AP1G1: variants seen among roughly 807,000 people sequenced by gnomAD.
The protein encoded by AP1G1 is adaptor related protein complex 1 subunit gamma 1.
AP1G1 carries 7 observed loss-of-function variants against 108.3 expected under a neutral mutation model. The ratio of observed to expected loss-of-function variants is 0.06; its 90% CI spans 0.04 to 0.12. AP1G1 has a LOEUF of 0.12. Ranked by LOEUF, AP1G1 falls within the 10% of genes least tolerant of loss-of-function variation. AP1G1 has a pLI of 1.00. For missense variants in AP1G1, 756 were observed against 1,010.7 expected, an observed-to-expected ratio of 0.75 and a Z score of 3.42; for synonymous variants, 379 against 353.5, an observed-to-expected ratio of 1.07 and a Z score of -0.81.
At chr16:71,750,441 G>A in intron 13 of AP1G1, 109 bp from the exon 14 acceptor site, 1 of 1,350,924 alleles carries the variant, frequency 7.4e-7, no homozygotes. Context: ...TTGAGACAGA[G>A]TCTCGCTCTG....
At chr16:71,788,756 G>A (rs2032297490) in intron 2 of AP1G1, among the ~76,000 whole-genome samples, 1 of 151,796 alleles carries the variant, frequency 6.6e-6, no homozygotes, top group Admixed American at 6.6e-5. Flanking sequence ...AAACTCCTGG[G>A]GCACAAGCAA....
In AP1G1 at chr16:71,733,024, G is replaced by C; in HGVS notation, c.*34C>G. ...CCTCCTTCCCAGAGTTCCTTTGATT[G>C]AGTGGGATAAAGAATGAGAATGGTG... On this transcript the variant is annotated 3_prime_UTR_variant, in exon 23 of 23. Transcript: ENST00000299980. 4 of 1,552,226 alleles carry C rather than the reference G, an allele frequency of 2.6e-6. No homozygotes were observed. The highest frequency in any genetic ancestry group is 3.5e-6 in the Non-Finnish European group (4 of 1,126,830).
rs573600980 is a variant in AP1G1, at chr16:71,745,593, C to G, written c.1752G>C (p.Met584Ile). 6.2e-7 allele frequency: 1 copy of G among 1,614,134 alleles called. No homozygotes were observed. Among genetic ancestry groups the G allele is most frequent in the Non-Finnish European group, 8.5e-7 (1 of 1,180,014 alleles). Residue 584 changes from methionine to isoleucine, a missense_variant, in exon 18 of 23, where the codon ATG (methionine) becomes ATC (isoleucine). Physicochemically the swap from Met to Ile is conservative, Grantham distance 10 (BLOSUM62 1). This residue lies in a region of AP1G1 where 357 missense variants were observed against 366.5 expected (regional missense o/e 0.97). Transcript: ENST00000299980. The stretch of plus-strand genomic sequence containing the variant: ...TTGTGGTCACTTTTTCCATGACAGG[C>G]ATTCTCTCAAGTAGGGCAGACCTAG... Reference protein sequence around the residue: ...DHMRSALLERMPVMEKVTTNG... With the variant: ...DHMRSALLERIPVMEKVTTNG...
Position 71,801,783 on chromosome 16 carries a change from G to A in AP1G1, c.-4+6980C>T, listed in dbSNP as rs545173012. On this transcript the variant is annotated intron_variant, in intron 1 of 22. Transcript: ENST00000299980. Reference sequence around the variant, plus strand: ...TGAAAATACAAAAAATTAGCCAGGCGTGGTGGCGGGCGCCTGCAGTCCCAG... The same window carrying A: ...TGAAAATACAAAAAATTAGCCAGGCATGGTGGCGGGCGCCTGCAGTCCCAG... Among the ~76,000 whole-genome samples the A allele has an allele frequency of 1.2e-4, 19 of 152,108 alleles. No homozygotes were observed. In the South Asian group the frequency reaches 1.9e-3, roughly 15 times the overall value.
At chr16:71,769,283 CA>C (rs375309588) in intron 6 of AP1G1, among the ~76,000 whole-genome samples, 25 of 142,064 alleles carry the variant, frequency 1.8e-4, no homozygotes, top group Admixed American at 2.1e-4. Context: ...AACTACATCT[CA>C]AAAAAAAAAA....
chr16:71,750,545 GC>G, intron 13 of AP1G1: 1 of 456,974 alleles, frequency 2.2e-6, no homozygotes, highest in South Asian at 2.3e-5. Flanking sequence ...CTCCCAAGTA[GC>G]TGGGACTACA....
intron 2 of AP1G1, among the ~76,000 whole-genome samples, chr16:71,780,142 C>T (rs1159711591): frequency 6.6e-6 from 1 of 151,554 alleles, no homozygotes; most frequent in African/African-American, 2.4e-5. Context: ...TACAGGCACG[C>T]ACCACTATAT....
intron 19 of AP1G1, among the ~76,000 whole-genome samples, chr16:71,744,434 T>TTAACA (rs1206577216): frequency 5.3e-5 from 8 of 152,110 alleles, no homozygotes; most frequent in African/African-American, 1.9e-4. Context: ...AAGTAGCAGG[T>TTAACA]TAACATCTCT....
chr16:71,764,479 G>T, intron 8 of AP1G1, 31 bp from the exon 9 acceptor site: 1 of 1,456,902 alleles, frequency 6.9e-7, no homozygotes, highest in Non-Finnish European at 9.5e-7. Context: ...CAGTACATAA[G>T]TGATAAAAAC....
chr16:71,798,173 C>T lies in AP1G1; in HGVS notation c.-3-8691G>A, dbSNP rs151095966. 6.8e-3 allele frequency among the ~76,000 whole-genome samples: 1,029 copies of T among 152,258 alleles called. 16 individuals carry two copies. The highest frequency in any genetic ancestry group is 0.022 in the African/African-American group (916 of 41,552). ...CATCAAAAACTGTTAAGGCTGGGTG[C>T]GGTGGCTCACGCCAGTAATCCCAAC... On this transcript the variant is annotated intron_variant, in intron 1 of 22. Coordinates refer to ENST00000299980, the MANE Select transcript of AP1G1 (RefSeq NM_001128.6).
At chr16:71,802,684 C>T (rs1338974594) in intron 1 of AP1G1, among the ~76,000 whole-genome samples, 5 of 151,318 alleles carry the variant, frequency 3.3e-5, no homozygotes, top group African/African-American at 7.3e-5. Flanking sequence ...GAGCCGAGAT[C>T]GCACCACTGC....
rs911739626 is a variant in AP1G1 at position 71,738,797 on chromosome 16, A to G, written c.2268+145T>C. 34 of 722,464 alleles carry G rather than the reference A, an allele frequency of 4.7e-5. No individual in the cohort carries two copies. The Middle Eastern group carries it at 1.5e-3, about 32-fold the overall frequency. The allele number at this position is 722,464 out of a possible 1,614,324, so 44.8% of individuals were successfully genotyped here. A position where few individuals can be genotyped will look rare whatever the true frequency, so the allele number is the denominator to read the frequency against. On this transcript the variant is annotated intron_variant, in intron 21 of 22. Coordinates refer to ENST00000299980, the MANE Select transcript of AP1G1 (RefSeq NM_001128.6). ...CACTAAAAATGATATGCTTCCATGAACCATAAGCTACATTATTGTTAGTTT... is the reference window on the plus strand; with the variant it reads ...CACTAAAAATGATATGCTTCCATGAGCCATAAGCTACATTATTGTTAGTTT...
At chr16:71,795,296 A>G (rs1388474706) in intron 1 of AP1G1, among the ~76,000 whole-genome samples, 3 of 152,220 alleles carry the variant, frequency 2.0e-5, no homozygotes, top group Non-Finnish European at 4.4e-5. Context: ...ACAAAATTCT[A>G]AAACTTAACT....
At chr16:71,762,273 T>C (rs74027300) in intron 9 of AP1G1, among the ~76,000 whole-genome samples, 113 of 152,268 alleles carry the variant, frequency 7.4e-4, no homozygotes, top group African/African-American at 2.4e-3. Context: ...GGATAAAAAC[T>C]GAACAATTCC....
chr16:71,735,359 T>C (rs986341392), intron 21 of AP1G1, among the ~76,000 whole-genome samples: 9 of 152,164 alleles, frequency 5.9e-5, no homozygotes, highest in African/African-American at 1.4e-4. Context: ...TGCTTGCTTA[T>C]AGAAATAAGA....
chr16:71,778,007 G>A (rs956225613), intron 2 of AP1G1, among the ~76,000 whole-genome samples: 3 of 152,200 alleles, frequency 2.0e-5, no homozygotes, highest in African/African-American at 7.2e-5. Context: ...ACCAGTGACT[G>A]ACGAATACAA....
At chr16:71,740,115 T>A (rs186895931) in intron 19 of AP1G1, among the ~76,000 whole-genome samples, 28 of 152,350 alleles carry the variant, frequency 1.8e-4, no homozygotes. Context: ...GAAGGTAAAC[T>A]GGCACAACCA....
chr16:71,749,783 G>A (rs898960439), intron 15 of AP1G1, 111 bp downstream of exon 15: 29 of 869,044 alleles, frequency 3.3e-5, no homozygotes, highest in East Asian at 2.7e-4. Context: ...GAGCCACCAC[G>A]CCTGGCCTAA....
chr16:71,752,216 C>T (rs2030544324), intron 13 of AP1G1, among the ~76,000 whole-genome samples: 1 of 152,094 alleles, frequency 6.6e-6, no homozygotes, highest in African/African-American at 2.4e-5. Context: ...CTCATAAACA[C>T]TTTCCTTCAG....
Sources: allele counts gnomAD v4.1 joint callset (sites outside exome capture counted in the v4.1 genomes callset), GRCh38; gene constraint gnomAD v4.1.1; regional missense constraint gnomAD v4.1.1; transcripts MANE v1.5; gene names NCBI Gene and HGNC (gene_info 2026-07-23, HGNC 2026-07-21).